Variants in CTNNA2 observed in about 807,000 individuals in gnomAD.
CTNNA2 encodes the protein catenin alpha 2.
Under a neutral mutation model 101.0 loss-of-function variants are expected in CTNNA2, and 42 were observed. The ratio of observed to expected loss-of-function variants is 0.42; its 90% CI spans 0.32 to 0.54. The LOEUF (loss-of-function observed/expected upper bound fraction) is 0.54, where lower values mean the gene tolerates loss of function less well. Ranked by LOEUF, CTNNA2 falls within the 20% of genes least tolerant of loss-of-function variation. The probability of loss-of-function intolerance (pLI) is 0.14; values close to 1 mark genes in which losing one functional copy is unlikely to be tolerated. For synonymous variants in CTNNA2, 450 were observed against 456.4 expected (o/e 0.99, Z 0.18); for missense variants, 871 against 1,223.1 (o/e 0.71, Z 4.29).
chr2:79,193,489 G>GTATAAC (rs1673902579), intron 1 of CTNNA2, among the ~76,000 whole-genome samples: 1 of 152,162 alleles, frequency 6.6e-6, no homozygotes, highest in Non-Finnish European at 1.5e-5. Context: ...CCCAAAGTAT[G>GTATAAC]TAGTAGCCTG....
intron 7 of CTNNA2, among the ~76,000 whole-genome samples, chr2:80,352,530 G>C (rs1477084613): frequency 1.3e-5 from 2 of 152,078 alleles, no homozygotes; most frequent in Non-Finnish European, 2.9e-5. Flanking sequence ...TGTACTTTTA[G>C]GTAAATGTTT....
At chr2:80,591,302 A>G (rs1696467231) in intron 15 of CTNNA2, among the ~76,000 whole-genome samples, 1 of 151,914 alleles carries the variant, frequency 6.6e-6, no homozygotes, top group South Asian at 2.1e-4. Flanking sequence ...ACTAGTTACA[A>G]TTTTTCCCAC....
intron 18 of CTNNA2, among the ~76,000 whole-genome samples, chr2:80,647,264 CTTTT>C (rs1456468440): frequency 6.6e-6 from 1 of 152,000 alleles, no homozygotes; most frequent in Non-Finnish European, 1.5e-5. Context: ...CCCCTTATAA[CTTTT>C]TTTCTTTAGT....
chr2:79,363,648 C>G (rs893130748), intron 3 of CTNNA2, among the ~76,000 whole-genome samples: 1 of 152,106 alleles, frequency 6.6e-6, no homozygotes, highest in Non-Finnish European at 1.5e-5. Context: ...AGTGTCCCGT[C>G]TGACACTTGG....
In CTNNA2 at chr2:79,285,207, C is replaced by T. The variant is rs540748932; in HGVS notation, c.-405-27502C>T. On this transcript the variant is annotated intron_variant, in intron 2 of 21. Transcript: ENST00000466387. ...TGTTGATCCTTTCAAAAAACCAGCT[C>T]CTGGATTCATTAATTTTTTGAAGGG... Among the ~76,000 whole-genome samples, 637 of 150,410 alleles carry T rather than the reference C, an allele frequency of 4.2e-3. 5 individuals are homozygous for T. The highest frequency in any genetic ancestry group is 0.015 in the African/African-American group (609 of 41,036).
chr2:79,214,825 G>A (rs1674226583), intron 2 of CTNNA2, among the ~76,000 whole-genome samples: 1 of 151,650 alleles, frequency 6.6e-6, no homozygotes, highest in South Asian at 2.1e-4. Flanking sequence ...AAGTAAAAAA[G>A]AGTGCATAAA....
At chr2:80,259,349 A>G (rs576145570) in intron 7 of CTNNA2, among the ~76,000 whole-genome samples, 1 of 152,252 alleles carries the variant, frequency 6.6e-6, no homozygotes, top group Admixed American at 6.5e-5. Flanking sequence ...GCACAGAATA[A>G]CTGGGGTTTT....
At chr2:80,329,427 C>A (rs1193466272) in intron 7 of CTNNA2, among the ~76,000 whole-genome samples, 1 of 152,164 alleles carries the variant, frequency 6.6e-6, no homozygotes, top group Non-Finnish European at 1.5e-5. Flanking sequence ...CTCTCATTTT[C>A]TCTCTCTTAA....
At chr2:79,691,567 G>T (rs1573694385) in intron 2 of CTNNA2, among the ~76,000 whole-genome samples, 2 of 151,650 alleles carry the variant, frequency 1.3e-5, no homozygotes, top group Non-Finnish European at 2.9e-5. Context: ...GTATAGCCAG[G>T]ACAATCCTAA....
intron 9 of CTNNA2, among the ~76,000 whole-genome samples, chr2:80,502,982 C>T (rs1395490717): frequency 6.6e-6 from 1 of 152,128 alleles, no homozygotes; most frequent in Non-Finnish European, 1.5e-5. Flanking sequence ...GTGTAAGCAA[C>T]ATAACAAGAC....
intron 6 of CTNNA2, among the ~76,000 whole-genome samples, chr2:79,882,791 T>G (rs1446373452): frequency 2.0e-5 from 3 of 152,236 alleles, no homozygotes; most frequent in African/African-American, 7.2e-5. Context: ...CTGCTGAGAA[T>G]CTGCGTAGCT....
At chr2:79,985,258 C>A (rs1159070091) in intron 7 of CTNNA2, among the ~76,000 whole-genome samples, 2 of 152,214 alleles carry the variant, frequency 1.3e-5, no homozygotes, top group African/African-American at 2.4e-5. Flanking sequence ...TTTACACTCA[C>A]TGTTCAGAAT....
intron 9 of CTNNA2, among the ~76,000 whole-genome samples, chr2:80,505,911 A>AGC (rs2149541479): frequency 6.6e-6 from 1 of 152,196 alleles, no homozygotes; most frequent in Middle Eastern, 3.2e-3. Flanking sequence ...TCCAGTTATA[A>AGC]AAGATCTGTA....
At chr2:80,480,968 G>T (rs1686097920) in intron 9 of CTNNA2, among the ~76,000 whole-genome samples, 1 of 152,106 alleles carries the variant, frequency 6.6e-6, no homozygotes, top group African/African-American at 2.4e-5. Context: ...TGAGTGAAAT[G>T]TATTTTCTAG....
chr2:80,312,832 T>G lies in CTNNA2; in HGVS notation c.1057-80379T>G, dbSNP rs143259483. ...TACTTTCTCTGTGTTTTAGACCTTC[T>G]AATATCTACCTTTAAAGGGAGAAGA... On this transcript the variant is annotated intron_variant, in intron 7 of 18. Transcript: ENST00000402739. Among the ~76,000 whole-genome samples the G allele has an allele frequency of 3.7e-3, 565 of 152,324 alleles. 35 individuals are homozygous for G. In the East Asian group the frequency reaches 0.09, roughly 24 times the overall value.
chr2:80,336,635 T>G (rs1263272809), intron 7 of CTNNA2, among the ~76,000 whole-genome samples: 1 of 152,180 alleles, frequency 6.6e-6, no homozygotes, highest in Non-Finnish European at 1.5e-5. Context: ...GTACTTTGAG[T>G]TTTCCATTTT....
At chr2:80,037,424 T>C (rs1695738622) in intron 7 of CTNNA2, among the ~76,000 whole-genome samples, 1 of 152,232 alleles carries the variant, frequency 6.6e-6, no homozygotes, top group Non-Finnish European at 1.5e-5. Flanking sequence ...TACTGCATCA[T>C]CGTAATAGTT....
Position 80,648,036 on chromosome 2 carries a change from T to G in CTNNA2, c.*164T>G, listed in dbSNP as rs1480252617. 1.6e-6 allele frequency: 1 copy of G among 606,878 alleles called. No homozygotes were observed. Among genetic ancestry groups the G allele is most frequent in the African/African-American group, 1.9e-5 (1 of 53,986 alleles). The allele number at this position is 606,878 out of a possible 1,614,324, so 37.6% of individuals were successfully genotyped here. On this transcript the variant is annotated 3_prime_UTR_variant, in exon 19 of 19. Coordinates refer to ENST00000402739, the MANE Select transcript of CTNNA2 (RefSeq NM_001282597.3). Reference sequence around the variant, plus strand: ...TAAGATGAGATGAGATCAATACTACTGATCCATCTGTAGCCTGGGAAGGAG... The same window carrying G: ...TAAGATGAGATGAGATCAATACTACGGATCCATCTGTAGCCTGGGAAGGAG...
chr2:79,581,525 A>G (rs1460643523), intron 1 of CTNNA2, among the ~76,000 whole-genome samples: 1 of 152,038 alleles, frequency 6.6e-6, no homozygotes, highest in Non-Finnish European at 1.5e-5. Flanking sequence ...ACTCTATCTC[A>G]AAAGAAAAAA....
Sources: gnomAD v4.1 joint callset for allele counts (sites outside exome capture counted in the v4.1 genomes callset) on GRCh38, gnomAD v4.1.1 for gene constraint, MANE v1.5 for transcripts, NCBI Gene and HGNC (gene_info 2026-07-23, HGNC 2026-07-21) for gene names.